Variants in IPO11 observed in about 807,000 individuals in gnomAD.
IPO11 encodes importin-11.
Under a neutral mutation model 143.2 loss-of-function variants are expected in IPO11, and 66 were observed. That is an observed-to-expected ratio of 0.46 (90% CI 0.38 to 0.57). The LOEUF is 0.57. Ranked by LOEUF, IPO11 falls within the 20% of genes least tolerant of loss-of-function variation. The pLI, the probability that IPO11 is intolerant of heterozygous loss-of-function variation, is 0.00. For missense variants in IPO11, 1,026 were observed against 1,141.0 expected, an observed-to-expected ratio of 0.90 and a Z score of 1.45; for synonymous variants, 385 against 377.8, an observed-to-expected ratio of 1.02 and a Z score of -0.22.
At chr5:62,457,803 A>G (rs774510335) in intron 5 of IPO11, among the ~76,000 whole-genome samples, 1 of 152,198 alleles carries the variant, frequency 6.6e-6, no homozygotes, top group Non-Finnish European at 1.5e-5. Flanking sequence ...CGCCACTTCC[A>G]TGGTGTAGCT....
chr5:62,471,065 T>C lies in IPO11; in HGVS notation c.708+757T>C, dbSNP rs549191055. ...CTGGTCTTGAACTCCTGGCCTCAAG[T>C]GATCTGCCCTTTTTGGCTTCCGAAA... On this transcript the variant is annotated intron_variant, in intron 7 of 29. Transcript: ENST00000325324. 1.2e-4 allele frequency among the ~76,000 whole-genome samples: 18 copies of C among 151,940 alleles called. 1 individual carries two copies. In the South Asian group the frequency reaches 3.7e-3, roughly 32 times the overall value.
chr5:62,621,555 G>T (rs1399290847), intron 29 of IPO11, among the ~76,000 whole-genome samples: 1 of 152,124 alleles, frequency 6.6e-6, no homozygotes, highest in African/African-American at 2.4e-5. Flanking sequence ...GGCTGTTTTA[G>T]GCTTGAAGGC....
chr5:62,493,357 G>T (rs1741015531), intron 15 of IPO11, among the ~76,000 whole-genome samples: 1 of 152,064 alleles, frequency 6.6e-6, no homozygotes, highest in Admixed American at 6.6e-5. Context: ...AGAGTTTGGG[G>T]CATTGCCACT....
chr5:62,443,418 T>TGTGTGC (rs1554047773), intron 3 of IPO11: 2 of 160,324 alleles, frequency 1.2e-5, no homozygotes, highest in African/African-American at 5.1e-5. Flanking sequence ...TGTGTGTGTG[T>TGTGTGC]GTGCGTGTGT....
intron 2 of IPO11, among the ~76,000 whole-genome samples, chr5:62,437,927 C>A (rs1344753719): frequency 6.6e-6 from 1 of 152,132 alleles, no homozygotes; most frequent in Non-Finnish European, 1.5e-5. Context: ...TTTAAATTAA[C>A]CTTTATTGGA....
chr5:62,481,042 A>C (rs1381053027), intron 9 of IPO11, among the ~76,000 whole-genome samples: 1 of 148,672 alleles, frequency 6.7e-6, no homozygotes, highest in Non-Finnish European at 1.5e-5. Flanking sequence ...CAGCCTCCTG[A>C]GTAGCTGGGA....
In IPO11 at chr5:62,436,020, T is replaced by A. The variant is rs1744218695; in HGVS notation, c.-6-1254T>A. ...CTGGGTGACAGAGTGAGACTCTGTCTCAAAAAATAAATCAAAATCAAATCA... is the reference window on the plus strand; with the variant it reads ...CTGGGTGACAGAGTGAGACTCTGTCACAAAAAATAAATCAAAATCAAATCA... On this transcript the variant is annotated intron_variant, in intron 1 of 29. Coordinates refer to ENST00000325324, the MANE Select transcript of IPO11 (RefSeq NM_016338.5). Among the ~76,000 whole-genome samples, 5 of 152,304 alleles carry A rather than the reference T, an allele frequency of 3.3e-5. No homozygotes were observed. The South Asian group carries it at 1.0e-3, about 32-fold the overall frequency.
At chr5:62,436,164 G>C (rs1336477049) in intron 1 of IPO11, among the ~76,000 whole-genome samples, 1 of 152,130 alleles carries the variant, frequency 6.6e-6, no homozygotes, top group African/African-American at 2.4e-5. Context: ...ACTTACATAG[G>C]TTTTGAAATG....
chr5:62,415,248 C>T (rs1178037526), intron 1 of IPO11, among the ~76,000 whole-genome samples: 3 of 152,180 alleles, frequency 2.0e-5, no homozygotes, highest in Non-Finnish European at 4.4e-5. Context: ...ACTGCATCTT[C>T]CGCCTCCCGG....
At chr5:62,613,920 G>T (rs1310603365) in intron 29 of IPO11, among the ~76,000 whole-genome samples, 1 of 152,174 alleles carries the variant, frequency 6.6e-6, no homozygotes, top group Non-Finnish European at 1.5e-5. Context: ...AAGGGCCTGA[G>T]TCACCCCAAG....
At chr5:62,544,130 G>A (rs559538750) in intron 24 of IPO11, among the ~76,000 whole-genome samples, 1 of 152,148 alleles carries the variant, frequency 6.6e-6, no homozygotes, top group African/African-American at 2.4e-5. Flanking sequence ...TGATACCAAA[G>A]CCTGGCAGAG....
intron 7 of IPO11, among the ~76,000 whole-genome samples, chr5:62,472,136 C>T (rs1745793177): frequency 6.6e-6 from 1 of 152,158 alleles, no homozygotes; most frequent in South Asian, 2.1e-4. Flanking sequence ...TTCGCTGTGA[C>T]TCGGAGCTTG....
chr5:62,526,693 A>G (rs1055107969), intron 21 of IPO11: 1 of 157,112 alleles, frequency 6.4e-6, no homozygotes, highest in Non-Finnish European at 1.4e-5. Flanking sequence ...AATTAGTAGT[A>G]TGCGTTATTA....
chr5:62,485,423 G>T lies in IPO11; in HGVS notation c.1179G>T (p.Val393=). The T allele has an allele frequency of 6.2e-7, 1 of 1,608,552 alleles. No homozygotes were observed. The highest frequency in any genetic ancestry group is 1.1e-5 in the South Asian group (1 of 90,858). Residue 393 remains valine (V), a synonymous_variant, in exon 12 of 30, where the codon GTG becomes GTT. Coordinates refer to ENST00000325324, the MANE Select transcript of IPO11 (RefSeq NM_016338.5). ...ATTACATATTTTTAATTGCAGCAGT[G>T]GAAGAAACAGGAGGAGATTCTTGGA... The part of the protein sequence containing the change: ...MWEEDPEGFT[V]EETGGDSWKY...
chr5:62,597,442 G>T (rs1367779818), intron 28 of IPO11, among the ~76,000 whole-genome samples: 1 of 152,186 alleles, frequency 6.6e-6, no homozygotes, highest in Non-Finnish European at 1.5e-5. Context: ...TACCTGGTCA[G>T]ATAATATTTA....
Position 62,515,427 on chromosome 5 carries a change from C to T in IPO11, c.1822C>T (p.Leu608Phe). The T allele has an allele frequency of 6.2e-7, 1 of 1,610,936 alleles. No homozygotes were observed. The highest frequency in any genetic ancestry group is 1.3e-5 in the African/African-American group (1 of 74,840). Residue 608 changes from leucine to phenylalanine, a missense_variant, in exon 20 of 30, where the codon CTC (leucine) becomes TTC (phenylalanine). Leu to Phe is a conservative substitution (Grantham distance 22). This residue lies in a region of IPO11 where 237 missense variants were observed against 288.0 expected (regional missense o/e 0.82). Transcript: ENST00000325324. ...YVGCLVQYLP[L>F]LWKQSEEHNM... The stretch of plus-strand genomic sequence containing the variant: ...GGGATGTTTGGTACAATATTTGCCC[C>T]TCCTTTGGAAGCAGAGTGAAGAACA...
intron 1 of IPO11, among the ~76,000 whole-genome samples, chr5:62,435,110 G>GTGTATATATGTATATATATGTA (rs1744139899): frequency 3.1e-5 from 2 of 65,438 alleles, no homozygotes; most frequent in East Asian, 7.3e-4. Context: ...GTATATATAT[G>GTGTATATATGTATATATATGTA]TATATATGTA....
intron 29 of IPO11, among the ~76,000 whole-genome samples, chr5:62,622,968 A>T (rs1397167228): frequency 6.6e-6 from 1 of 152,188 alleles, no homozygotes; most frequent in Non-Finnish European, 1.5e-5. Flanking sequence ...TAGTTTGATG[A>T]TTGAGCTTGT....
intron 27 of IPO11, among the ~76,000 whole-genome samples, chr5:62,590,153 G>A (rs1164237986): frequency 6.6e-6 from 1 of 152,208 alleles, no homozygotes; most frequent in Non-Finnish European, 1.5e-5. Flanking sequence ...AGCTAAGTTT[G>A]TTCCTTGCTC....
Sources: allele counts gnomAD v4.1 joint callset (sites outside exome capture counted in the v4.1 genomes callset), GRCh38; gene constraint gnomAD v4.1.1; regional missense constraint gnomAD v4.1.1; transcripts MANE v1.5; gene names NCBI Gene and HGNC (gene_info 2026-07-23, HGNC 2026-07-21).